The following LAMA2 variants were observed in gnomAD, a reference collection of about 807,000 sequenced individuals.
LAMA2 encodes the protein laminin subunit alpha-2.
In LAMA2, 269 loss-of-function variants were observed where a neutral mutation model predicts 364.8. The observed-to-expected ratio is 0.74, with a 90% CI of 0.67 to 0.82. The LOEUF is 0.82. Among genes scored for constraint, LAMA2 ranks in the 40% least tolerant of loss-of-function variants. The pLI is 0.00. For synonymous variants in LAMA2, 1,379 were observed against 1,370.6 expected (o/e 1.01, Z -0.14); for missense variants, 3,807 against 3,873.2 (o/e 0.98, Z 0.45).
At chr6:129,451,873 G>A (rs1394808099) in intron 45 of LAMA2, among the ~76,000 whole-genome samples, 1 of 152,128 alleles carries the variant, frequency 6.6e-6, no homozygotes, top group African/African-American at 2.4e-5. Flanking sequence ...TTGGTTTCTA[G>A]GCTATCTTGT....
intron 21 of LAMA2, among the ~76,000 whole-genome samples, chr6:129,299,752 A>T (rs1415566665): frequency 2.0e-5 from 3 of 152,168 alleles, no homozygotes; most frequent in East Asian, 3.8e-4. Flanking sequence ...TATTTTTCTA[A>T]ACACCTTCCA....
At chr6:129,052,517 A>G (rs1788145570) in intron 2 of LAMA2, among the ~76,000 whole-genome samples, 1 of 152,034 alleles carries the variant, frequency 6.6e-6, no homozygotes, top group South Asian at 2.1e-4. Context: ...TTAAGAGGAA[A>G]GTACAGAAAT....
chr6:129,170,372 TCA>T (rs1189355289), intron 9 of LAMA2, among the ~76,000 whole-genome samples: 2 of 147,228 alleles, frequency 1.4e-5, no homozygotes, highest in South Asian at 2.1e-4. Flanking sequence ...GTCTTTGTTC[TCA>T]TGGGTTTCAA....
At chr6:129,460,873 GA>G (rs141675044) in intron 49 of LAMA2, among the ~76,000 whole-genome samples, 4,574 of 151,910 alleles carry the variant, frequency 0.03, 99 homozygotes, top group Non-Finnish European at 0.038. Context: ...TCTGCTTCAA[GA>G]GAGAAGGAGA....
At chr6:129,112,470 G>A (rs910046304) in intron 4 of LAMA2, among the ~76,000 whole-genome samples, 2 of 151,892 alleles carry the variant, frequency 1.3e-5, no homozygotes, top group African/African-American at 4.8e-5. Flanking sequence ...AAAATGAGCT[G>A]GAATACAGTT....
chr6:129,044,451 G>A (rs1787326172), intron 1 of LAMA2, among the ~76,000 whole-genome samples: 2 of 151,778 alleles, frequency 1.3e-5, no homozygotes, highest in South Asian at 2.1e-4. Context: ...AAAAACAGTG[G>A]AAGTTAGGTG....
rs372637233 is a variant in LAMA2 at position 129,297,816 on chromosome 6, T to C, written c.2988T>C (p.Cys996=). The C allele has an allele frequency of 6.2e-7, 1 of 1,614,034 alleles. No individual in the cohort carries two copies. Among genetic ancestry groups the C allele is most frequent in the Non-Finnish European group, 8.5e-7 (1 of 1,179,964 alleles). Reference sequence around the variant, plus strand: ...AACCTGGAGTCACAGGGAAGAAATGTGACCGCTGTGCCCACGGCTATTTCA... The same window carrying C: ...AACCTGGAGTCACAGGGAAGAAATGCGACCGCTGTGCCCACGGCTATTTCA... ...WCQPGVTGKK[C]DRCAHGYFNF... The change falls in exon 21 of 65, where the codon TGT becomes TGC. Residue 996 remains cysteine, a synonymous_variant. Coordinates refer to ENST00000421865, the MANE Select transcript of LAMA2 (RefSeq NM_000426.4).
At chr6:129,199,703 A>G (rs1782064872) in intron 12 of LAMA2, among the ~76,000 whole-genome samples, 1 of 152,194 alleles carries the variant, frequency 6.6e-6, no homozygotes, top group Admixed American at 6.5e-5. Context: ...AAAATTTTTA[A>G]GAGGCCATGT....
At chr6:129,017,378 C>T (rs2114707217) in intron 1 of LAMA2, among the ~76,000 whole-genome samples, 1 of 151,888 alleles carries the variant, frequency 6.6e-6, no homozygotes, top group South Asian at 2.1e-4. Context: ...TTGATTTTAG[C>T]AAAATTTACA....
intron 1 of LAMA2, among the ~76,000 whole-genome samples, chr6:128,983,367 T>C (rs1234513046): frequency 1.3e-5 from 2 of 152,182 alleles, no homozygotes; most frequent in Non-Finnish European, 2.9e-5. Context: ...TGGCCAGTGA[T>C]GGTGAGCATT....
chr6:129,359,117 G>A (rs1272098380), intron 32 of LAMA2, among the ~76,000 whole-genome samples: 1 of 151,776 alleles, frequency 6.6e-6, no homozygotes, highest in Non-Finnish European at 1.5e-5. Flanking sequence ...AGTGACTGTT[G>A]TGTAGATAAA....
At chr6:128,981,177 C>T (rs1471133181) in intron 1 of LAMA2, among the ~76,000 whole-genome samples, 1 of 152,124 alleles carries the variant, frequency 6.6e-6, no homozygotes, top group East Asian at 1.9e-4. Context: ...ATTTCCTCCC[C>T]TGTGCCCTAC....
chr6:129,199,289 T>G (rs1211847826), intron 12 of LAMA2, among the ~76,000 whole-genome samples: 2 of 152,168 alleles, frequency 1.3e-5, no homozygotes, highest in East Asian at 3.9e-4. Context: ...AAGAAATGGG[T>G]AAAATTAAAC....
chr6:129,249,259 T>G (rs1785999168), intron 12 of LAMA2, among the ~76,000 whole-genome samples: 1 of 152,138 alleles, frequency 6.6e-6, no homozygotes, highest in African/African-American at 2.4e-5. Context: ...ATCAGCTTTG[T>G]TTTATGAATA....
intron 1 of LAMA2, among the ~76,000 whole-genome samples, chr6:128,993,027 G>A (rs900414946): frequency 2.6e-5 from 4 of 152,090 alleles, no homozygotes; most frequent in African/African-American, 9.7e-5. Context: ...CTCATCACTG[G>A]TGCTATTTAA....
At chr6:129,351,696 C>G (rs1776862118) in intron 31 of LAMA2, among the ~76,000 whole-genome samples, 1 of 152,104 alleles carries the variant, frequency 6.6e-6, no homozygotes, top group Admixed American at 6.5e-5. Context: ...AGAAACCTCT[C>G]CTCATACTTT....
chr6:129,365,618 C>T (rs2114618307), intron 32 of LAMA2, among the ~76,000 whole-genome samples: 1 of 151,862 alleles, frequency 6.6e-6, no homozygotes, highest in South Asian at 2.1e-4. Context: ...CCACCTCGGC[C>T]TCTCAAAGTG....
At chr6:128,897,649 C>T (rs1397177148) in intron 1 of LAMA2, among the ~76,000 whole-genome samples, 1 of 152,132 alleles carries the variant, frequency 6.6e-6, no homozygotes, top group African/African-American at 2.4e-5. Context: ...ACAAAAATGA[C>T]CATTTTGTTG....
At chr6:129,010,316 A>G (rs1036077665) in intron 1 of LAMA2, among the ~76,000 whole-genome samples, 2 of 152,192 alleles carry the variant, frequency 1.3e-5, no homozygotes, top group African/African-American at 4.8e-5. Context: ...TCTACCAAAC[A>G]TGCATGAAAA....
Sources: gnomAD v4.1 joint callset for allele counts (sites outside exome capture counted in the v4.1 genomes callset) on GRCh38, gnomAD v4.1.1 for gene constraint, MANE v1.5 for transcripts, NCBI Gene and HGNC (gene_info 2026-07-23, HGNC 2026-07-21) for gene names.